Variants in PLAT observed in about 807,000 individuals in gnomAD.
The protein encoded by PLAT is tissue-type plasminogen activator.
A neutral mutation model predicts 74.9 loss-of-function variants in PLAT; 48 were observed. The observed-to-expected ratio is 0.64, with a 90% CI of 0.51 to 0.82. PLAT has a LOEUF of 0.82. Among genes scored for constraint, PLAT ranks in the 40% least tolerant of loss-of-function variants. The pLI is 0.00. For synonymous variants in PLAT, 307 were observed against 294.4 expected, an observed-to-expected ratio of 1.04 and a Z score of -0.44; for missense variants, 673 against 736.2, an observed-to-expected ratio of 0.91 and a Z score of 0.99.
intron 1 of PLAT, among the ~76,000 whole-genome samples, chr8:42,198,895 A>T (rs1806021410): frequency 6.6e-6 from 1 of 151,804 alleles, no homozygotes; most frequent in Non-Finnish European, 1.5e-5. Context: ...CAACCACCAT[A>T]GCCCAGATGA....
At chr8:42,194,271 T>G (rs1383419042) in intron 1 of PLAT, among the ~76,000 whole-genome samples, 1 of 129,354 alleles carries the variant, frequency 7.7e-6, no homozygotes, top group East Asian at 2.5e-4. Context: ...TGTGTGTGTG[T>G]GTGTGTGTGT....
Position 42,188,999 on chromosome 8 carries a change from C to A in PLAT, c.188G>T (p.Ser63Ile), listed in dbSNP as rs769465426. ...GCACCAGCAATATTCCACCCGGTTG[C>A]TTCTGAGCACAGGGCGCAGCCATGA... ...HQSWLRPVLR[S>I]NRVEYCWCNS... The change falls in exon 4 of 14, where the codon AGC (serine) becomes ATC (isoleucine). Residue 63 changes from serine to isoleucine, a missense_variant. Physicochemically the swap from Ser to Ile is moderately radical, Grantham distance 142. Transcript: ENST00000220809. 2 of 1,613,982 alleles carry A rather than the reference C, an allele frequency of 1.2e-6. No individual in the cohort carries two copies. The highest frequency in any genetic ancestry group is 2.7e-5 in the African/African-American group (2 of 74,930).
chr8:42,194,156 G>A (rs1054685779), intron 1 of PLAT, among the ~76,000 whole-genome samples: 15 of 138,158 alleles, frequency 1.1e-4, no homozygotes, highest in African/African-American at 4.2e-4. Flanking sequence ...AGGCTCAAGA[G>A]ATCCTCCTGC....
At chr8:42,183,150 T>A (rs1455852178) in intron 7 of PLAT, among the ~76,000 whole-genome samples, 1 of 152,156 alleles carries the variant, frequency 6.6e-6, no homozygotes, top group Admixed American at 6.5e-5. Context: ...GTTACAGGCA[T>A]GCGCCACCAT....
intron 13 of PLAT, 69 bp from the exon 14 acceptor site, chr8:42,176,220 A>G: frequency 8.7e-7 from 1 of 1,143,134 alleles, no homozygotes. Context: ...CAGTATGTGT[A>G]GCATGAACAT....
chr8:42,179,682 A>G (rs1805131915), intron 12 of PLAT, among the ~76,000 whole-genome samples: 1 of 152,170 alleles, frequency 6.6e-6, no homozygotes. Flanking sequence ...CTTCCTACTC[A>G]GAACCTTCCC....
rs1425358161 is a variant in PLAT at position 42,185,007 on chromosome 8, G to C, written c.631+74C>G. On this transcript the variant is annotated intron_variant, in intron 7 of 13. Coordinates refer to ENST00000220809, the MANE Select transcript of PLAT (RefSeq NM_000930.5). ...CCCCTTTCTCCCCTCAGGTGCAGGA[G>C]GGCTATCGGCCTGTCCTCCTGGACT... 4 of 950,630 alleles carry C rather than the reference G, an allele frequency of 4.2e-6. No individual in the cohort carries two copies. In the African/African-American group the frequency reaches 5.0e-5, roughly 12 times the overall value. The allele number at this position is 950,630 out of a possible 1,614,324, so 58.9% of individuals were successfully genotyped here. A position where few individuals can be genotyped will look rare whatever the true frequency, so the allele number is the denominator to read the frequency against.
At position 42,181,983 on chromosome 8, in the gene PLAT, C is replaced by T. The variant is rs760477797; in HGVS notation, c.843G>A (p.Leu281=). The part of the protein sequence containing the change: ...DGDAKPWCHV[L]KNRRLTWEYC... Reference sequence around the variant, plus strand: ...ACTCCCACGTCAGCCTGCGGTTCTTCAGCACGTGGCACCAGGGCTTGGCAT... The same window carrying T: ...ACTCCCACGTCAGCCTGCGGTTCTTTAGCACGTGGCACCAGGGCTTGGCAT... Residue 281 remains leucine (L), a synonymous_variant, in exon 9 of 14, where the codon CTG becomes CTA. Transcript: ENST00000220809. 2 of 1,612,848 alleles carry T rather than the reference C, an allele frequency of 1.2e-6. No individual in the cohort carries two copies. The highest frequency in any genetic ancestry group is 3.3e-5 in the Admixed American group (2 of 60,034).
chr8:42,187,423 C>T lies in PLAT; in HGVS notation c.514G>A (p.Gly172Ser), dbSNP rs1489560273. Residue 172 changes from glycine (G) to serine (S), a missense_variant, in exon 6 of 14, where the codon GGC (glycine) becomes AGC (serine). By Grantham distance (56) the Gly-to-Ser change is moderately conservative. Transcript: ENST00000220809. ...SGRRPDAIRL[G>S]LGNHNYCRNP... ...CTGCAGTAGTTGTGGTTCCCCAGGC[C>T]CAGCCTGATGGCGTCTGGCCTCCGC... 1 of 1,595,590 alleles carries T rather than the reference C, an allele frequency of 6.3e-7. No individual in the cohort carries two copies. Among genetic ancestry groups the T allele is most frequent in the Admixed American group, 1.7e-5 (1 of 59,662 alleles).
chr8:42,203,992 T>TATATATATATATACACACACACACAC (rs1554499838), intron 1 of PLAT, among the ~76,000 whole-genome samples: 3 of 109,894 alleles, frequency 2.7e-5, no homozygotes, highest in African/African-American at 1.6e-4. Flanking sequence ...TATATATATA[T>TATATATATATATACACACACACACAC]ACACACACAC....
chr8:42,180,455 G>C lies in PLAT; in HGVS notation c.1085+35C>G, dbSNP rs200780632. The C allele has an allele frequency of 1.8e-3, 2,976 of 1,613,614 alleles. 4 individuals are homozygous for C. Among genetic ancestry groups the C allele is most frequent in the Non-Finnish European group, 2.4e-3 (2,780 of 1,179,752 alleles). On this transcript the variant is annotated intron_variant, in intron 10 of 13. Coordinates refer to ENST00000220809, the MANE Select transcript of PLAT (RefSeq NM_000930.5). ...AAGGGCTTGGTTTCTAGGCGTTAGA[G>C]GGTGGAAAAACCAACTGGGTTTCCG...
At chr8:42,207,172 A>G (rs1318916545) in intron 1 of PLAT, among the ~76,000 whole-genome samples, 2 of 152,154 alleles carry the variant, frequency 1.3e-5, no homozygotes, top group Non-Finnish European at 2.9e-5. Context: ...AGGTACTCCC[A>G]TAGGCTATTT....
At chr8:42,193,071 T>C (rs1206432574) in intron 2 of PLAT, 43 bp downstream of exon 2, 3 of 1,403,158 alleles carry the variant, frequency 2.1e-6, no homozygotes, top group Non-Finnish European at 3.0e-6. Flanking sequence ...TCCGGAAGCA[T>C]CACAGCCTTG....
At chr8:42,182,562 T>C (rs1417018748) in intron 8 of PLAT, 157 bp downstream of exon 8, 3 of 583,710 alleles carry the variant, frequency 5.1e-6, no homozygotes, top group Admixed American at 3.1e-5. Context: ...CAATATGTGT[T>C]ATTCTAGCAA....
chr8:42,187,849 CG>C, intron 5 of PLAT, 56 bp downstream of exon 5: 1 of 1,196,702 alleles, frequency 8.4e-7, no homozygotes, highest in Non-Finnish European at 1.2e-6. Context: ...CTTCCGGGGG[CG>C]GGGGAGACTG....
intron 1 of PLAT, among the ~76,000 whole-genome samples, chr8:42,202,616 G>A (rs8178688): frequency 0.036 from 5,466 of 150,766 alleles, 316 homozygotes; most frequent in African/African-American, 0.13. Flanking sequence ...AGCACCAGCC[G>A]TGCCCTGGCA....
At chr8:42,207,337 A>G (rs927845585) in intron 1 of PLAT, among the ~76,000 whole-genome samples, 157 bp downstream of exon 1, 1 of 152,108 alleles carries the variant, frequency 6.6e-6, no homozygotes, top group Non-Finnish European at 1.5e-5. Context: ...GCAAACAGAC[A>G]TCTCCCCTCT....
At chr8:42,199,467 C>A (rs1313538753) in intron 1 of PLAT, among the ~76,000 whole-genome samples, 2 of 152,154 alleles carry the variant, frequency 1.3e-5, no homozygotes, top group Non-Finnish European at 2.9e-5. Flanking sequence ...ATTTTCCTGG[C>A]AGACCCTGCC....
chr8:42,206,569 C>T (rs761487769), intron 1 of PLAT: 1 of 152,206 alleles, frequency 6.6e-6, no homozygotes, highest in Non-Finnish European at 1.5e-5. Context: ...CTACAGGAGA[C>T]CACCATATTA....
Sources: gnomAD v4.1 joint callset for allele counts (sites outside exome capture counted in the v4.1 genomes callset) on GRCh38, gnomAD v4.1.1 for gene constraint, MANE v1.5 for transcripts, NCBI Gene and HGNC (gene_info 2026-07-23, HGNC 2026-07-21) for gene names.